The following GRIK2 variants were observed in gnomAD, a reference collection of about 807,000 sequenced individuals.
GRIK2 encodes the protein glutamate receptor ionotropic, kainate 2.
In GRIK2, 32 loss-of-function variants were observed where a neutral mutation model predicts 100.3. The ratio of observed to expected loss-of-function variants is 0.32; its 90% confidence interval spans 0.24 to 0.43. GRIK2 has a LOEUF of 0.43. Among genes scored for constraint, GRIK2 ranks in the 20% least tolerant of loss-of-function variants. The probability of loss-of-function intolerance (pLI) is 1.00; values close to 1 mark genes in which losing one functional copy is unlikely to be tolerated. For missense variants in GRIK2, 843 were observed against 1,114.9 expected, an observed-to-expected ratio of 0.76 and a Z score of 3.47; for synonymous variants, 417 against 389.4, an observed-to-expected ratio of 1.07 and a Z score of -0.83.
intron 7 of GRIK2, among the ~76,000 whole-genome samples, chr6:101,694,248 C>A (rs1481807298): frequency 3.3e-5 from 5 of 151,852 alleles, no homozygotes; most frequent in Non-Finnish European, 7.4e-5. Flanking sequence ...GTACAGGGCA[C>A]AAAGTAAAGG....
chr6:101,734,938 T>C (rs1378334331), intron 7 of GRIK2, among the ~76,000 whole-genome samples: 3 of 152,106 alleles, frequency 2.0e-5, no homozygotes, highest in African/African-American at 7.2e-5. Flanking sequence ...CTTGTCTTCA[T>C]TGAGAATGGG....
chr6:101,569,715 G>T (rs950776522), intron 2 of GRIK2, among the ~76,000 whole-genome samples: 1 of 151,828 alleles, frequency 6.6e-6, no homozygotes, highest in Non-Finnish European at 1.5e-5. Context: ...AAACAAAAAC[G>T]CTAATTGCTT....
chr6:102,054,612 G>A (rs780039245), intron 15 of GRIK2, among the ~76,000 whole-genome samples: 41 of 151,784 alleles, frequency 2.7e-4, no homozygotes, highest in Non-Finnish European at 2.9e-4. Context: ...TAAACAATAC[G>A]TTTTATTTAT....
chr6:101,650,857 C>T (rs1392719545), intron 4 of GRIK2, among the ~76,000 whole-genome samples: 1 of 152,050 alleles, frequency 6.6e-6, no homozygotes, highest in African/African-American at 2.4e-5. Context: ...TCCCACGACC[C>T]ATTCCCCACC....
chr6:102,010,719 T>A (rs1210153494), intron 14 of GRIK2, among the ~76,000 whole-genome samples: 16 of 152,028 alleles, frequency 1.1e-4, no homozygotes, highest in Admixed American at 1.0e-3. Flanking sequence ...ATCACTTTTT[T>A]TTTTTTAATG....
At chr6:101,478,219 A>C (rs189834076) in intron 2 of GRIK2, among the ~76,000 whole-genome samples, 109 of 152,234 alleles carry the variant, frequency 7.2e-4, no homozygotes, top group African/African-American at 2.6e-3. Flanking sequence ...GTCCTTGAAA[A>C]TTATTAGGTA....
intron 2 of GRIK2, among the ~76,000 whole-genome samples, chr6:101,422,909 G>A (rs1748189480): frequency 1.3e-5 from 2 of 152,108 alleles, no homozygotes; most frequent in Admixed American, 1.3e-4. Context: ...GGTTTACAGT[G>A]CATTTTTTCT....
At chr6:101,476,026 G>A (rs1772210241) in intron 2 of GRIK2, among the ~76,000 whole-genome samples, 1 of 152,052 alleles carries the variant, frequency 6.6e-6, no homozygotes, top group Non-Finnish European at 1.5e-5. Context: ...ATATGAGTAT[G>A]TCAAAAACTG....
chr6:101,466,709 G>A (rs988309954), intron 2 of GRIK2, among the ~76,000 whole-genome samples: 1 of 152,000 alleles, frequency 6.6e-6, no homozygotes, highest in Non-Finnish European at 1.5e-5. Context: ...CCTTTATGGA[G>A]AGGAAAAGAG....
At chr6:101,676,494 C>A in intron 4 of GRIK2, 129 bp from the exon 5 acceptor site, 1 of 576,482 alleles carries the variant, frequency 1.7e-6, no homozygotes, top group Non-Finnish European at 2.9e-6. Flanking sequence ...ATATACAAAC[C>A]TATGTAACCA....
intron 9 of GRIK2, among the ~76,000 whole-genome samples, chr6:101,811,434 G>A (rs1448528826): frequency 6.6e-6 from 1 of 152,024 alleles, no homozygotes; most frequent in Non-Finnish European, 1.5e-5. Context: ...TATTTTGTGA[G>A]TCAATGCCAG....
At chr6:101,814,030 T>A (rs1374362626) in intron 9 of GRIK2, among the ~76,000 whole-genome samples, 2 of 151,898 alleles carry the variant, frequency 1.3e-5, no homozygotes, top group African/African-American at 4.8e-5. Context: ...GGACAAAGCA[T>A]AGATAATTTT....
At chr6:101,466,723 T>C (rs914872576) in intron 2 of GRIK2, among the ~76,000 whole-genome samples, 29 of 152,264 alleles carry the variant, frequency 1.9e-4, no homozygotes, top group Admixed American at 7.8e-4. Flanking sequence ...AAAAGAGGCA[T>C]CAGCAATTTC....
At chr6:101,744,559 T>TA (rs1776302641) in intron 7 of GRIK2, 1 of 111,524 alleles carries the variant, frequency 9.0e-6, no homozygotes, top group Non-Finnish European at 1.8e-5. Context: ...TATATATATA[T>TA]CACAATTTCT....
chr6:101,970,253 C>G (rs1792960106), intron 14 of GRIK2, among the ~76,000 whole-genome samples: 1 of 151,314 alleles, frequency 6.6e-6, no homozygotes, highest in African/African-American at 2.4e-5. Context: ...GTGGCCATCT[C>G]AAGCAGCTTC....
chr6:101,983,434 T>C (rs1037850361), intron 14 of GRIK2, among the ~76,000 whole-genome samples: 12 of 151,954 alleles, frequency 7.9e-5, no homozygotes, highest in Non-Finnish European at 1.5e-4. Context: ...TTTATTCACA[T>C]TGGTGAATGT....
At chr6:102,047,177 T>G (rs1294846322) in intron 15 of GRIK2, among the ~76,000 whole-genome samples, 2 of 151,772 alleles carry the variant, frequency 1.3e-5, no homozygotes, top group African/African-American at 2.4e-5. Flanking sequence ...AACTAAACCC[T>G]AAAGTTAGCA....
At chr6:101,672,015 G>A (rs2008972414) in intron 4 of GRIK2, among the ~76,000 whole-genome samples, 2 of 152,104 alleles carry the variant, frequency 1.3e-5, no homozygotes, top group South Asian at 4.2e-4. Context: ...GTGTCTCATG[G>A]ATCTGCTACT....
At chr6:101,961,315 C>A (rs983459104) in intron 14 of GRIK2, among the ~76,000 whole-genome samples, 11 of 152,236 alleles carry the variant, frequency 7.2e-5, no homozygotes, top group East Asian at 1.9e-4. Context: ...TACTCTGCAG[C>A]GGGAATGCTG....
Sources: gnomAD v4.1 joint callset for allele counts (sites outside exome capture counted in the v4.1 genomes callset) on GRCh38, gnomAD v4.1.1 for gene constraint, MANE v1.5 for transcripts, NCBI Gene and HGNC (gene_info 2026-07-23, HGNC 2026-07-21) for gene names.